The following LY6L variants were observed in gnomAD, a reference collection of about 807,000 sequenced individuals.
LY6L encodes the protein lymphocyte antigen 6 family member L.
Under a neutral mutation model 8.3 loss-of-function variants are expected in LY6L, and 8 were observed. The observed-to-expected ratio is 0.97, with a 90% CI of 0.57 to 1.74. The LOEUF is 1.74. Ranked by LOEUF, LY6L falls within the 40% of genes most tolerant of loss-of-function variation. LY6L has a pLI of 0.00. For synonymous variants in LY6L, 79 were observed against 77.9 expected (o/e 1.01, Z -0.07); for missense variants, 156 against 183.8 (o/e 0.85, Z 0.87).
rs1430002127 is a variant in LY6L at position 143,082,276 on chromosome 8, T to G, written c.191-149T>G. On this transcript the variant is annotated intron_variant, in intron 3 of 3. Coordinates refer to ENST00000562505, the MANE Select transcript of LY6L (RefSeq NM_001368160.2). ...CAGTAAAGGACAGGAGAAGGTGGTC[T>G]CTTGGCTGTCCTCGCAGGGCCAGGT... The G allele has an allele frequency of 1.7e-5, 10 of 602,904 alleles. No individual in the cohort carries two copies. In the East Asian group the frequency reaches 2.3e-4, roughly 14 times the overall value. 37.3% of individuals were successfully genotyped at this position (602,904 alleles called of 1,614,324 possible).
At chr8:143,081,188 A>G in intron 2 of LY6L, 23 bp from the exon 3 acceptor site, 1 of 1,526,734 alleles carries the variant, frequency 6.5e-7, no homozygotes, top group Non-Finnish European at 8.8e-7. Context: ...GCTGGTCCAC[A>G]GCGCCCCGCT....
In LY6L at chr8:143,081,068, C is replaced by G. The variant is rs1055306859; in HGVS notation, c.15C>G (p.Val5=). 1 of 1,535,006 alleles carries G rather than the reference C, an allele frequency of 6.5e-7. No individual in the cohort carries two copies. The highest frequency in any genetic ancestry group is 8.7e-7 in the Non-Finnish European group (1 of 1,146,404). ...CTTCTGGCGTCATGGAGAGGCTCGT[C>G]CTAACCCTGTGCACCCTCCCGCTGG... MERL[V]LTLCTLPLAV... is the part of the protein sequence containing the mutation. Residue 5 remains valine (V), a synonymous_variant, in exon 2 of 4, where the codon GTC becomes GTG. Transcript: ENST00000562505.
At chr8:143,080,691 G>T (rs925409704) in intron 1 of LY6L, 32 bp downstream of exon 1, 7 of 240,988 alleles carry the variant, frequency 2.9e-5, no homozygotes, top group African/African-American at 1.4e-4. Context: ...CTGTGGGCCG[G>T]GGGCTGGGAT....
Position 143,081,291 on chromosome 8 carries a change from C to A in LY6L, c.154C>A (p.Gln52Lys), listed in dbSNP as rs368418331. 1.3e-6 allele frequency: 2 copies of A among 1,533,060 alleles called. No individual in the cohort carries two copies. The allele number at this position is 1,533,060 out of a possible 1,614,324, so 95.0% of individuals were successfully genotyped here. A position where few individuals can be genotyped will look rare whatever the true frequency, so the allele number is the denominator to read the frequency against. Residue 52 changes from glutamine to lysine, a missense_variant, in exon 3 of 4, where the codon CAA becomes AAA. Gln to Lys is a moderately conservative substitution (Grantham distance 53). Transcript: ENST00000562505. The part of the protein sequence containing the change: ...CPPTWCSPLD[Q>K]VCISNEVVVS... ...GCCCACCTGGTGCAGCCCGCTGGAC[C>A]AAGTCTGCATCTCCAACGAGGTGGT...
Position 143,082,577 on chromosome 8 carries a change from C to A in LY6L, c.343C>A (p.Gln115Lys), listed in dbSNP as rs1217627818. 2.0e-6 allele frequency: 3 copies of A among 1,534,138 alleles called. No homozygotes were observed. In the African/African-American group the frequency reaches 4.1e-5, roughly 21 times the overall value. ...TCTCTGCAACAGGGCACTGACCCCACAGGAGGGGCGCTGGGCCCTGCGAGG... is the reference window on the plus strand; with the variant it reads ...TCTCTGCAACAGGGCACTGACCCCAAAGGAGGGGCGCTGGGCCCTGCGAGG... Reference protein sequence around the residue: ...WALCNRALTPQEGRWALRGGL... With the variant: ...WALCNRALTPKEGRWALRGGL... The change falls in exon 4 of 4, where the codon CAG (glutamine) becomes AAG (lysine). Residue 115 changes from glutamine (Q) to lysine (K), a missense_variant. By Grantham distance (53) the Gln-to-Lys change is moderately conservative (BLOSUM62 1). Transcript: ENST00000562505.
rs1042325509 is a variant in LY6L, at chr8:143,083,337, G to A, written c.*686G>A. Among the ~76,000 whole-genome samples the A allele has an allele frequency of 9.9e-5, 15 of 152,112 alleles. No homozygotes were observed. The highest frequency in any genetic ancestry group is 2.7e-4 in the African/African-American group (11 of 41,404). On this transcript the variant is annotated 3_prime_UTR_variant, in exon 4 of 4. Transcript: ENST00000562505. Reference sequence around the variant, plus strand: ...TCGAGGGGCAGAAGAACCTGGGTGCGGCCACAGCTGGGGCTCCCACTCTGC... The same window carrying A: ...TCGAGGGGCAGAAGAACCTGGGTGCAGCCACAGCTGGGGCTCCCACTCTGC...
At chr8:143,080,927 A>G in intron 1 of LY6L, 109 bp from the exon 2 acceptor site, 1 of 740,382 alleles carries the variant, frequency 1.4e-6, no homozygotes, top group Non-Finnish European at 2.1e-6. Context: ...GCAGGAGGCT[A>G]GTGTGGGATG....
chr8:143,081,834 GCAACA>G (rs150637659), intron 3 of LY6L, among the ~76,000 whole-genome samples: 1 of 152,146 alleles, frequency 6.6e-6, no homozygotes, highest in Non-Finnish European at 1.5e-5. Context: ...AAAATAGAAT[GCAACA>G]CAACACACCG....
At chr8:143,080,783 G>C (rs1470833262) in intron 1 of LY6L, 124 bp downstream of exon 1, 3 of 468,772 alleles carry the variant, frequency 6.4e-6, no homozygotes, top group Non-Finnish European at 1.1e-5. Context: ...CAGGGAGAGG[G>C]AATGCGGGGA....
rs1301284173 is a variant in LY6L at position 143,081,051 on chromosome 8, GT to G, written c.-2del. ...CCCCACTCAGGCTGAGCCTTCTGGC[GT>G]CATGGAGAGGCTCGTCCTAACCCTG... On this transcript the variant is annotated 5_prime_UTR_variant, in exon 2 of 4. Transcript: ENST00000562505. The G allele has an allele frequency of 6.5e-7, 1 of 1,533,728 alleles. No homozygotes were observed. Among genetic ancestry groups the G allele is most frequent in the African/African-American group, 1.4e-5 (1 of 72,982 alleles).
intron 3 of LY6L, among the ~76,000 whole-genome samples, chr8:143,082,068 A>G (rs1820439131): frequency 6.6e-6 from 1 of 152,104 alleles, no homozygotes; most frequent in Non-Finnish European, 1.5e-5. Flanking sequence ...GCCCCTTTCC[A>G]CTGCTCTGAG....
In LY6L at chr8:143,082,428, G is replaced by A. The variant is rs1820446723; in HGVS notation, c.194G>A (p.Trp65Ter). 1 of 1,532,602 alleles carries A rather than the reference G, an allele frequency of 6.5e-7. No individual in the cohort carries two copies. Among genetic ancestry groups the A allele is most frequent in the Non-Finnish European group, 8.7e-7 (1 of 1,144,384 alleles). The allele number at this position is 1,532,602 out of a possible 1,614,324, so 94.9% of individuals were successfully genotyped here. The part of the protein sequence containing the change: ...ISNEVVVSFK[W>*]SVRVLLSKRC... ...CTGCCTCTCCTCTTTTCTGCAGAAT[G>A]GAGTGTACGCGTCCTGCTCAGCAAA... Residue 65 changes from tryptophan to a stop codon, truncating the protein, a stop_gained, in exon 4 of 4, where the codon TGG (tryptophan) becomes TAG (stop). Transcript: ENST00000562505. LOFTEE classifies it low-confidence loss of function (END_TRUNC).
Position 143,081,340 on chromosome 8 carries a change from C to T in LY6L, c.190+13C>T, listed in dbSNP as rs1185807089. The stretch of plus-strand genomic sequence containing the variant: ...GTCGTCTCTTTTAGTGAGTCCCCCC[C>T]GGGCAGAGGGCAGGTGCCAGGTGCC... On this transcript the variant is annotated intron_variant, in intron 3 of 3. Transcript: ENST00000562505. The T allele has an allele frequency of 4.8e-6, 7 of 1,463,824 alleles. No individual in the cohort carries two copies. Among genetic ancestry groups the T allele is most frequent in the Admixed American group, 2.1e-5 (1 of 46,818 alleles). 90.7% of individuals were successfully genotyped at this position (1,463,824 alleles called of 1,614,324 possible).
rs555674134 is a variant in LY6L, at chr8:143,083,260, G to A, written c.*609G>A. Among the ~76,000 whole-genome samples the A allele has an allele frequency of 2.0e-5, 3 of 152,282 alleles. No individual in the cohort carries two copies. The highest frequency in any genetic ancestry group is 1.9e-4 in the East Asian group (1 of 5,186). On this transcript the variant is annotated 3_prime_UTR_variant, in exon 4 of 4. Transcript: ENST00000562505. ...GGTGGGAAAGACAGTGTCTCTGGTG[G>A]GCGATGGCCCCTTGCATGAGGCCCC...
At position 143,081,079 on chromosome 8, in the gene LY6L, G is replaced by A; in HGVS notation, c.26G>A (p.Cys9Tyr). 2 of 1,534,978 alleles carry A rather than the reference G, an allele frequency of 1.3e-6. No homozygotes were observed. Among genetic ancestry groups the A allele is most frequent in the African/African-American group, 1.4e-5 (1 of 73,130 alleles). The change falls in exon 2 of 4, where the codon TGC becomes TAC. Residue 9 changes from cysteine (C) to tyrosine (Y), a missense_variant. Physicochemically the swap from Cys to Tyr is radical, Grantham distance 194. Transcript: ENST00000562505. MERLVLTL[C>Y]TLPLAVASAG... ...ATGGAGAGGCTCGTCCTAACCCTGT[G>A]CACCCTCCCGCTGGCTGTGGCGTCT...
intron 3 of LY6L, among the ~76,000 whole-genome samples, chr8:143,081,808 T>C (rs932244931): frequency 1.3e-5 from 2 of 152,134 alleles, no homozygotes; most frequent in African/African-American, 4.8e-5. Context: ...TGCTACATAA[T>C]ACAACATAAT....
At position 143,081,127 on chromosome 8, in the gene LY6L, G is replaced by T. The variant is rs1046508268; in HGVS notation, c.73+1G>T. On this transcript the variant is annotated splice_donor_variant, in intron 2 of 3. Transcript: ENST00000562505. LOFTEE classifies it high-confidence loss of function. ...TCTGCTGGCTGCGCCACGACGCCAGGTAAGGCGCGGCCCGGGCTGGGCTGG... is the reference window on the plus strand; with the variant it reads ...TCTGCTGGCTGCGCCACGACGCCAGTTAAGGCGCGGCCCGGGCTGGGCTGG... 4.1e-5 allele frequency: 63 copies of T among 1,534,376 alleles called. No individual in the cohort carries two copies. The highest frequency in any genetic ancestry group is 5.3e-5 in the Non-Finnish European group (61 of 1,146,096).
Position 143,082,623 on chromosome 8 carries a change from G to A in LY6L, c.389G>A (p.Gly130Asp). 1.3e-6 allele frequency: 2 copies of A among 1,518,032 alleles called. No individual in the cohort carries two copies. Among genetic ancestry groups the A allele is most frequent in the Non-Finnish European group, 1.8e-6 (2 of 1,134,232 alleles). 94.0% of individuals were successfully genotyped at this position (1,518,032 alleles called of 1,614,324 possible). A position where few individuals can be genotyped will look rare whatever the true frequency, so the allele number is the denominator to read the frequency against. ...CGAGGGGGGCTCCTGCTCCAGGTGGGCCTCAGCCTCCTCAGGGCCCTGTTG... is the reference window on the plus strand; with the variant it reads ...CGAGGGGGGCTCCTGCTCCAGGTGGACCTCAGCCTCCTCAGGGCCCTGTTG... ...ALRGGLLLQV[G>D]LSLLRALL The change falls in exon 4 of 4, where the codon GGC (glycine) becomes GAC (aspartate). Residue 130 changes from glycine (G) to aspartate (D), a missense_variant. Transcript: ENST00000562505.
At chr8:143,082,301 T>A in intron 3 of LY6L, 124 bp from the exon 4 acceptor site, 1 of 672,074 alleles carries the variant, frequency 1.5e-6, no homozygotes, top group Non-Finnish European at 2.5e-6. Flanking sequence ...CAGGGCCAGG[T>A]TACGTGCTCT....
Sources: gnomAD v4.1 joint callset for allele counts (sites outside exome capture counted in the v4.1 genomes callset) on GRCh38, gnomAD v4.1.1 for gene constraint, MANE v1.5 for transcripts, NCBI Gene and HGNC (gene_info 2026-07-23, HGNC 2026-07-21) for gene names.